The following MAF variants were observed in gnomAD, a reference collection of about 807,000 sequenced individuals.
MAF encodes the protein MAF bZIP transcription factor, also known as transcription factor Maf.
MAF carries 10 observed loss-of-function variants against 22.0 expected under a neutral mutation model. The ratio of observed to expected loss-of-function variants is 0.45; its 90% CI spans 0.28 to 0.77. The LOEUF (loss-of-function observed/expected upper bound fraction) is 0.77, where lower values mean the gene tolerates loss of function less well. Among genes scored for constraint, MAF ranks in the 30% least tolerant of loss-of-function variants. The probability of loss-of-function intolerance (pLI) is 0.12; values close to 1 mark genes in which losing one functional copy is unlikely to be tolerated. For missense variants in MAF, 544 were observed against 548.4 expected (o/e 0.99, Z 0.08); for synonymous variants, 337 against 255.8 (o/e 1.32, Z -3.03).
chr16:79,397,111 T>C, the MAF span, among the ~76,000 whole-genome samples: 1 of 152,230 alleles, frequency 6.6e-6, no homozygotes, highest in Non-Finnish European at 1.5e-5. Flanking sequence ...AACCAATGGA[T>C]GGAAGACATT....
At chr16:79,598,637 G>A in intron 1 of MAF, 148 bp downstream of exon 1, 3 of 1,524,924 alleles carry the variant, frequency 2.0e-6, no homozygotes, top group Non-Finnish European at 2.6e-6. Flanking sequence ...TTGTGTGTGT[G>A]TAGGGGGCCA....
chr16:79,332,047 T>C, the MAF span, among the ~76,000 whole-genome samples: 2 of 152,260 alleles, frequency 1.3e-5, no homozygotes, highest in Non-Finnish European at 1.5e-5. Context: ...GCAGAAACTT[T>C]GTTTTTGTTT....
the MAF span, among the ~76,000 whole-genome samples, chr16:79,210,139 C>T: frequency 6.6e-6 from 1 of 152,208 alleles, no homozygotes; most frequent in Non-Finnish European, 1.5e-5. Flanking sequence ...ACGGTCCACA[C>T]CCCGCCCAGA....
the MAF span, among the ~76,000 whole-genome samples, chr16:79,504,576 CGGAT>C: frequency 2.0e-5 from 3 of 151,468 alleles, no homozygotes; most frequent in Admixed American, 6.6e-5. Context: ...GATGGATGGA[CGGAT>C]GGATGGATGG....
chr16:79,435,995 T>C, the MAF span, among the ~76,000 whole-genome samples: 1 of 152,206 alleles, frequency 6.6e-6, no homozygotes, highest in Non-Finnish European at 1.5e-5. Context: ...AGGCATGCGG[T>C]TGGAGAAGAT....
At chr16:79,596,235 TC>T in intron 1 of MAF, 2 of 1,060,812 alleles carry the variant, frequency 1.9e-6, no homozygotes, top group Non-Finnish European at 2.3e-6. Context: ...ATGGCTCAAC[TC>T]ATTTGAAAAC....
At chr16:79,513,370 C>A in the MAF span, among the ~76,000 whole-genome samples, 2 of 152,242 alleles carry the variant, frequency 1.3e-5, no homozygotes, top group African/African-American at 2.4e-5. Context: ...AGTTCCCCAA[C>A]TGGAGCATGA....
chr16:79,218,112 G>C, the MAF span, among the ~76,000 whole-genome samples: 9 of 145,454 alleles, frequency 6.2e-5, no homozygotes, highest in Non-Finnish European at 1.2e-4. Context: ...AGAATACTAA[G>C]TAATATCACA....
the MAF span, among the ~76,000 whole-genome samples, chr16:79,574,283 C>T: frequency 2.0e-5 from 3 of 152,164 alleles, no homozygotes; most frequent in African/African-American, 7.2e-5. Flanking sequence ...TCCCTCAGTC[C>T]TGTTTCTACT....
the MAF span, among the ~76,000 whole-genome samples, chr16:79,231,363 A>G: frequency 6.6e-6 from 1 of 152,102 alleles, no homozygotes; most frequent in Non-Finnish European, 1.5e-5. Context: ...TAATTTTTAA[A>G]TTAACATCAG....
chr16:79,414,151 T>G, the MAF span, among the ~76,000 whole-genome samples: 2 of 152,218 alleles, frequency 1.3e-5, no homozygotes, highest in Non-Finnish European at 2.9e-5. Flanking sequence ...TGAGCTCTTG[T>G]TCTTTGCCAG....
chr16:79,406,838 G>A, the MAF span, among the ~76,000 whole-genome samples: 2 of 152,142 alleles, frequency 1.3e-5, no homozygotes, highest in African/African-American at 4.8e-5. Context: ...GCCGCTTCCT[G>A]CCCTTCCTGG....
At chr16:79,381,861 TG>T in the MAF span, among the ~76,000 whole-genome samples, 1 of 152,188 alleles carries the variant, frequency 6.6e-6, no homozygotes, top group African/African-American at 2.4e-5. Flanking sequence ...TCAGAGCTCT[TG>T]AACTCAACCT....
chr16:79,531,760 C>T, the MAF span, among the ~76,000 whole-genome samples: 6 of 152,148 alleles, frequency 3.9e-5, no homozygotes, highest in Non-Finnish European at 5.9e-5. Flanking sequence ...GCTTCACCCA[C>T]GCACTCATCA....
the MAF span, among the ~76,000 whole-genome samples, chr16:79,263,336 T>C: frequency 1.3e-5 from 2 of 152,230 alleles, no homozygotes; most frequent in African/African-American, 2.4e-5. Context: ...TGGCTATCTA[T>C]AGTTACAAAT....
the MAF span, among the ~76,000 whole-genome samples, chr16:79,380,412 A>G: frequency 6.6e-6 from 1 of 152,230 alleles, no homozygotes; most frequent in East Asian, 1.9e-4. Flanking sequence ...TCCACGAATC[A>G]TGCTAACCAT....
the MAF span, among the ~76,000 whole-genome samples, chr16:79,566,397 G>A: frequency 6.6e-6 from 1 of 152,212 alleles, no homozygotes; most frequent in Non-Finnish European, 1.5e-5. Context: ...GGACTGTACT[G>A]CAAGACCCCC....
chr16:79,240,487 G>GAAAAAAAAAAA, the MAF span, among the ~76,000 whole-genome samples: 2 of 60,690 alleles, frequency 3.3e-5, no homozygotes, highest in African/African-American at 6.5e-5. Context: ...AGCATCTCTG[G>GAAAAAAAAAAA]AAAAAAAAAA....
chr16:79,566,220 A>G, the MAF span, among the ~76,000 whole-genome samples: 1 of 152,204 alleles, frequency 6.6e-6, no homozygotes, highest in Admixed American at 6.5e-5. Flanking sequence ...ACACTCTGCC[A>G]TTAGAGATAC....
Sources: allele counts gnomAD v4.1 joint callset (sites outside exome capture counted in the v4.1 genomes callset), GRCh38; gene constraint gnomAD v4.1.1; transcripts MANE v1.5; gene names NCBI Gene and HGNC (gene_info 2026-07-23, HGNC 2026-07-21).